Variants in SYNM observed in about 807,000 individuals in gnomAD.
SYNM encodes desmuslin.
In SYNM, 95 loss-of-function variants were observed where a neutral mutation model predicts 104.0. The observed-to-expected ratio is 0.91, with a 90% CI of 0.77 to 1.08. The LOEUF (loss-of-function observed/expected upper bound fraction) is 1.08, where lower values mean the gene tolerates loss of function less well. Ranked by LOEUF, SYNM falls within the 50% of genes least tolerant of loss-of-function variation. SYNM has a pLI of 0.00. For missense variants in SYNM, 2,150 were observed against 2,052.2 expected (o/e 1.05, Z -0.92); for synonymous variants, 918 against 869.0 (o/e 1.06, Z -0.99).
chr15:99,108,462 T>C (rs2067270025), intron 1 of SYNM, among the ~76,000 whole-genome samples: 1 of 152,182 alleles, frequency 6.6e-6, no homozygotes, highest in Non-Finnish European at 1.5e-5. Flanking sequence ...ATGGATGATT[T>C]AACCCCAAGC....
rs782705010 is a variant in SYNM, at chr15:99,129,413, G to T, written c.1053G>T (p.Arg351Ser). 32 of 1,613,830 alleles carry T rather than the reference G, an allele frequency of 2.0e-5. No homozygotes were observed. Among genetic ancestry groups the T allele is most frequent in the Non-Finnish European group, 2.5e-5 (30 of 1,179,902 alleles). ...ACTATACCGACTCACTACTACAGAG[G>T]GAAAATGAAAGGAATCTATTTTCAA... ...SYHYTDSLLQ[R>S]ENERNLFSRQ... Residue 351 changes from arginine to serine, a missense_variant, in exon 4 of 4, where the codon AGG (arginine) becomes AGT (serine). Coordinates refer to ENST00000336292, the MANE Select transcript of SYNM (RefSeq NM_145728.3).
At position 99,131,203 on chromosome 15, in the gene SYNM, A is replaced by C. The variant is rs1187198863; in HGVS notation, c.2843A>C (p.Gln948Pro). 6.2e-7 allele frequency: 1 copy of C among 1,609,162 alleles called. No homozygotes were observed. Among genetic ancestry groups the C allele is most frequent in the East Asian group, 2.2e-5 (1 of 44,742 alleles). The change falls in exon 4 of 4, where the codon CAG (glutamine) becomes CCG (proline). Residue 948 changes from glutamine to proline, a missense_variant. Gln to Pro is a moderately conservative substitution (Grantham distance 76). Coordinates refer to ENST00000336292, the MANE Select transcript of SYNM (RefSeq NM_145728.3). The surrounding 1 kb of genome is among the most constrained non-coding windows in gnomAD (Gnocchi z 4.3). The part of the protein sequence containing the change: ...KGISSKEPRQ[Q>P]LVEVIGQLEE... ...ATCTCCTCCAAGGAGCCCCGGCAGC[A>C]GCTGGTGGAGGTCATCGGGCAGCTG...
chr15:99,130,144 G>C lies in SYNM; in HGVS notation c.1784G>C (p.Gly595Ala), dbSNP rs369973561. 1 of 1,613,946 alleles carries C rather than the reference G, an allele frequency of 6.2e-7. No homozygotes were observed. The highest frequency in any genetic ancestry group is 8.5e-7 in the Non-Finnish European group (1 of 1,179,908). Residue 595 changes from glycine (G) to alanine (A), a missense_variant, in exon 4 of 4, where the codon GGT becomes GCT. Gly to Ala is a moderately conservative substitution (Grantham distance 60, BLOSUM62 0). Transcript: ENST00000336292. ...AGAAGAGCAGAGGTGTCCCCGAAAG[G>C]TTTGCAGACGCCTGTGAAGGATGCT... is the stretch of plus-strand genomic sequence containing the variant. Reference protein sequence around the residue: ...QDRRAEVSPKGLQTPVKDAGG... With the variant: ...QDRRAEVSPKALQTPVKDAGG...
chr15:99,114,674 C>T (rs868936531), intron 2 of SYNM, among the ~76,000 whole-genome samples: 3 of 152,142 alleles, frequency 2.0e-5, no homozygotes, highest in Middle Eastern at 3.4e-3. Context: ...GGTCACAAAG[C>T]GCTCAAAGGG....
At chr15:99,138,243 G>C (rs2067766479), downstream of SYNM, 8 of 1,269,306 alleles carry the variant, frequency 6.3e-6, no homozygotes, top group Non-Finnish European at 8.7e-6. Context: ...GACTTGGTAG[G>C]GGCTATAAAT....
chr15:99,113,306 A>G (rs3816452), intron 1 of SYNM, among the ~76,000 whole-genome samples: 81,169 of 152,052 alleles, frequency 0.53, 22,262 homozygotes, highest in East Asian at 0.69. Context: ...AACGGTAGAG[A>G]TGATTTGAAT....
downstream of SYNM, among the ~76,000 whole-genome samples, chr15:99,138,767 G>A (rs1419791800): frequency 3.3e-5 from 5 of 152,236 alleles, no homozygotes; most frequent in South Asian, 2.1e-4. Flanking sequence ...AGGGGATGGC[G>A]CCCTGCTGGC....
intron 2 of SYNM, among the ~76,000 whole-genome samples, chr15:99,115,427 T>A (rs1242137954): frequency 1.4e-5 from 2 of 143,384 alleles, no homozygotes; most frequent in Non-Finnish European, 3.1e-5. Flanking sequence ...TCATTTTTTT[T>A]ATTATTTTTT....
downstream of SYNM, chr15:99,138,060 G>T (rs782305648): frequency 6.2e-7 from 1 of 1,613,974 alleles, no homozygotes; most frequent in Non-Finnish European, 8.5e-7. Context: ...GTGTCCTGAG[G>T]GATGCTGGTG....
intron 1 of SYNM, among the ~76,000 whole-genome samples, chr15:99,113,105 A>G (rs1337036578): frequency 2.6e-5 from 4 of 152,232 alleles, no homozygotes; most frequent in Non-Finnish European, 5.9e-5. Context: ...TCTAAGTGAA[A>G]CAAAACTCTG....
Position 99,130,674 on chromosome 15 carries a change from G to C in SYNM, c.2314G>C (p.Glu772Gln). The C allele has an allele frequency of 6.2e-7, 1 of 1,613,914 alleles. No homozygotes were observed. Among genetic ancestry groups the C allele is most frequent in the Non-Finnish European group, 8.5e-7 (1 of 1,179,854 alleles). Residue 772 changes from glutamate to glutamine, a missense_variant, in exon 4 of 4, where the codon GAG becomes CAG. Physicochemically the swap from Glu to Gln is conservative, Grantham distance 29. Coordinates refer to ENST00000336292, the MANE Select transcript of SYNM (RefSeq NM_145728.3). ...EEFSVPFKVE[E>Q]VEDVSPGPWG... ...GTTTTCCGTCCCATTCAAAGTGGAG[G>C]AGGTCGAAGATGTGTCGCCAGGCCC...
Position 99,131,448 on chromosome 15 carries a change from G to A in SYNM, c.3088G>A (p.Ala1030Thr), listed in dbSNP as rs377004221. The A allele has an allele frequency of 2.9e-5, 47 of 1,608,268 alleles. No individual in the cohort carries two copies. In the African/African-American group the frequency reaches 5.6e-4, roughly 19 times the overall value. ...SKDEASEMEK[A>T]VESVVRESLS... ...AGATGAGGCCAGTGAGATGGAGAAG[G>A]CTGTGGAGTCGGTGGTTCGGGAGAG... The change falls in exon 4 of 4, where the codon GCT (alanine) becomes ACT (threonine). Residue 1030 changes from alanine (A) to threonine (T), a missense_variant. By Grantham distance (58) the Ala-to-Thr change is moderately conservative. Transcript: ENST00000336292. This position sits in a 1 kb window ranked among gnomAD's most constrained non-coding sequence, Gnocchi z 4.3.
In SYNM at chr15:99,133,158, TCCC is replaced by T. The variant is rs1449125957; in HGVS notation, c.*102_*104del. ...GAGGCCGAGGGAGTCTATGAAAATC[TCCC>T]CTTTTTTACTTTTTTAAAGAGTACT... On this transcript the variant is annotated 3_prime_UTR_variant, in exon 4 of 4. Transcript: ENST00000336292. 1 of 1,519,674 alleles carries T rather than the reference TCCC, an allele frequency of 6.6e-7. No individual in the cohort carries two copies. Among genetic ancestry groups the T allele is most frequent in the East Asian group, 2.4e-5 (1 of 41,752 alleles). The allele number at this position is 1,519,674 out of a possible 1,614,324, so 94.1% of individuals were successfully genotyped here. A position where few individuals can be genotyped will look rare whatever the true frequency, so the allele number is the denominator to read the frequency against.
At chr15:99,106,609 C>T (rs1247864333) in intron 1 of SYNM, among the ~76,000 whole-genome samples, 1 of 152,264 alleles carries the variant, frequency 6.6e-6, no homozygotes, top group Admixed American at 6.5e-5. Context: ...TTGCTCACAG[C>T]ACACGCTGAC....
downstream of SYNM, chr15:99,139,383 G>A (rs574967469): frequency 3.8e-5 from 61 of 1,614,144 alleles, no homozygotes; most frequent in South Asian, 6.4e-4. Flanking sequence ...ATATAAGAGG[G>A]TCTGGATCTG....
chr15:99,128,928 G>GT (rs2067471902), intron 3 of SYNM: 2 of 168,306 alleles, frequency 1.2e-5, no homozygotes, highest in Non-Finnish European at 2.6e-5. Context: ...GCTATTTGGT[G>GT]TTTAATAATG....
At position 99,105,502 on chromosome 15, in the gene SYNM, G is replaced by A; in HGVS notation, c.303G>A (p.Glu101=). ...ELRELQRLDA[E]ERAARGRLDA... ...GGGAGCTGCAGCGCCTGGATGCGGA[G>A]GAGCGCGCCGCCCGCGGCCGCCTGG... Residue 101 remains glutamate (E), a synonymous_variant, in exon 1 of 4, where the codon GAG becomes GAA. Coordinates refer to ENST00000336292, the MANE Select transcript of SYNM (RefSeq NM_145728.3). 3 of 1,290,796 alleles carry A rather than the reference G, an allele frequency of 2.3e-6. No homozygotes were observed. The highest frequency in any genetic ancestry group is 3.3e-5 in the East Asian group (1 of 30,380). The allele number at this position is 1,290,796 out of a possible 1,614,324, so 80.0% of individuals were successfully genotyped here.
At position 99,130,245 on chromosome 15, in the gene SYNM, C is replaced by G. The variant is rs782152866; in HGVS notation, c.1885C>G (p.Leu629Val). The change falls in exon 4 of 4, where the codon CTG (leucine) becomes GTG (valine). Residue 629 changes from leucine (L) to valine (V), a missense_variant. Leu to Val is a conservative substitution (Grantham distance 32). Coordinates refer to ENST00000336292, the MANE Select transcript of SYNM (RefSeq NM_145728.3). ...RLGTSDATGS[L>V]QGDSMTETVA... Reference sequence around the variant, plus strand: ...GGGCACCAGTGATGCCACTGGTTCTCTGCAAGGCGATTCCATGACAGAAAC... The same window carrying G: ...GGGCACCAGTGATGCCACTGGTTCTGTGCAAGGCGATTCCATGACAGAAAC... The G allele has an allele frequency of 1.2e-6, 2 of 1,613,998 alleles. No homozygotes were observed. The highest frequency in any genetic ancestry group is 1.7e-6 in the Non-Finnish European group (2 of 1,179,898).
intron 2 of SYNM, among the ~76,000 whole-genome samples, chr15:99,119,360 C>G (rs1555484303): frequency 6.6e-6 from 1 of 152,232 alleles, no homozygotes; most frequent in East Asian, 1.9e-4. Flanking sequence ...CCCAGACATA[C>G]TGGACCGAAG....
Sources: gnomAD v4.1 joint callset for allele counts (sites outside exome capture counted in the v4.1 genomes callset) on GRCh38, gnomAD v4.1.1 for gene constraint, Gnocchi (gnomAD v3.1) non-coding constraint, MANE v1.5 for transcripts, NCBI Gene and HGNC (gene_info 2026-07-23, HGNC 2026-07-21) for gene names.